The following EYS variants were observed in gnomAD, a reference collection of about 807,000 sequenced individuals.
The protein encoded by EYS is protein eyes shut homolog.
A neutral mutation model predicts 282.1 loss-of-function variants in EYS; 250 were observed. The ratio of observed to expected loss-of-function variants is 0.89; its 90% CI spans 0.80 to 0.98. The LOEUF (loss-of-function observed/expected upper bound fraction) is 0.98. Ranked by LOEUF, EYS falls within the 50% of genes least tolerant of loss-of-function variation. EYS has a pLI of 0.00. For missense variants in EYS, 4,016 were observed against 3,709.0 expected, an observed-to-expected ratio of 1.08 and a Z score of -2.15; for synonymous variants, 1,355 against 1,282.9, an observed-to-expected ratio of 1.06 and a Z score of -1.20.
chr6:63,878,425 G>C (rs148839978), intron 35 of EYS, among the ~76,000 whole-genome samples: 8 of 152,176 alleles, frequency 5.3e-5, no homozygotes, highest in African/African-American at 1.7e-4. Context: ...TCGGGGGTCC[G>C]GGACCCACTT....
intron 31 of EYS, among the ~76,000 whole-genome samples, chr6:64,174,741 A>G (rs1764578008): frequency 6.6e-6 from 1 of 152,002 alleles, no homozygotes; most frequent in Non-Finnish European, 1.5e-5. Context: ...TTCATCCTAA[A>G]TTAAAATGAA....
intron 41 of EYS, among the ~76,000 whole-genome samples, chr6:63,752,308 A>T (rs1166770173): frequency 1.3e-5 from 2 of 152,052 alleles, no homozygotes; most frequent in Non-Finnish European, 2.9e-5. Context: ...TTCTAGTAAC[A>T]TGCCAGATCA....
intron 31 of EYS, among the ~76,000 whole-genome samples, chr6:64,106,228 A>T (rs1773005107): frequency 6.6e-6 from 1 of 151,884 alleles, no homozygotes; most frequent in Non-Finnish European, 1.5e-5. Flanking sequence ...AACTTTTTTT[A>T]AAAAAACTTT....
At chr6:64,252,069 G>A (rs1562273022) in intron 30 of EYS, among the ~76,000 whole-genome samples, 1 of 152,012 alleles carries the variant, frequency 6.6e-6, no homozygotes, top group Non-Finnish European at 1.5e-5. Flanking sequence ...AAATTATGAT[G>A]GAATTGTCAT....
chr6:64,703,427 A>AT (rs1488123469), intron 22 of EYS, among the ~76,000 whole-genome samples: 50 of 28,408 alleles, frequency 1.8e-3, no homozygotes, highest in Middle Eastern at 0.031. Context: ...ATATATATAT[A>AT]TATTTTTTTT....
intron 19 of EYS, among the ~76,000 whole-genome samples, chr6:64,866,945 C>T (rs1288593752): frequency 6.6e-6 from 1 of 151,662 alleles, no homozygotes; most frequent in African/African-American, 2.4e-5. Context: ...TGATCTATCA[C>T]CTTCATATTC....
At chr6:64,528,606 T>C (rs947633407) in intron 26 of EYS, among the ~76,000 whole-genome samples, 3 of 152,052 alleles carry the variant, frequency 2.0e-5, no homozygotes, top group Non-Finnish European at 2.9e-5. Flanking sequence ...CTTATTTTTC[T>C]ATTCCCATTA....
chr6:64,468,837 A>G (rs1776011587), intron 26 of EYS, among the ~76,000 whole-genome samples: 1 of 152,000 alleles, frequency 6.6e-6, no homozygotes, highest in African/African-American at 2.4e-5. Flanking sequence ...ACATTACCTC[A>G]TTTTTTCATG....
intron 19 of EYS, among the ~76,000 whole-genome samples, chr6:64,841,406 C>A (rs908117509): frequency 4.6e-5 from 7 of 151,952 alleles, no homozygotes; most frequent in Admixed American, 2.0e-4. Context: ...ATTTTTCATG[C>A]CAAATATAAA....
At chr6:65,560,239 AATTATATACAATT>A (rs1480485322) in intron 2 of EYS, among the ~76,000 whole-genome samples, 2 of 145,198 alleles carry the variant, frequency 1.4e-5, no homozygotes, top group East Asian at 4.0e-4. Flanking sequence ...AATATATTAT[AATTATATACAATT>A]ATTATATATA....
At chr6:64,323,197 G>C (rs1459496490) in intron 29 of EYS, among the ~76,000 whole-genome samples, 1 of 151,398 alleles carries the variant, frequency 6.6e-6, no homozygotes, top group Non-Finnish European at 1.5e-5. Context: ...TTAGTAGTTT[G>C]TCTCTATTAT....
chr6:64,356,204 A>T (rs563965572), intron 29 of EYS, among the ~76,000 whole-genome samples: 61 of 151,488 alleles, frequency 4.0e-4, no homozygotes, highest in African/African-American at 1.2e-3. Context: ...ATATTTTTTT[A>T]AAATTTTTTA....
At chr6:64,385,588 C>T (rs1772880556) in intron 29 of EYS, among the ~76,000 whole-genome samples, 1 of 152,084 alleles carries the variant, frequency 6.6e-6, no homozygotes, top group East Asian at 1.9e-4. Flanking sequence ...TAGTAAAGGC[C>T]AATGTTTCAG....
intron 29 of EYS, among the ~76,000 whole-genome samples, chr6:64,340,283 A>G (rs1265814905): frequency 1.3e-5 from 2 of 151,878 alleles, no homozygotes; most frequent in Admixed American, 1.3e-4. Flanking sequence ...AAGCAAAAAA[A>G]TGAAGCCAGA....
At chr6:63,787,312 T>C (rs1466028466) in intron 39 of EYS, 1 of 152,260 alleles carries the variant, frequency 6.6e-6, no homozygotes, top group East Asian at 1.9e-4. Flanking sequence ...CTCTGGCCTC[T>C]GTGGGCTACC....
rs376755758 is a variant in EYS at position 64,536,433 on chromosome 6, A to C, written c.5644+53790T>G. ...TTCACAACATTATGACGACAATTAC[A>C]GGTACTCTCTATTACATGGTTTAAC... On this transcript the variant is annotated intron_variant, in intron 26 of 42. Coordinates refer to ENST00000503581, the MANE Select transcript of EYS (RefSeq NM_001142800.2). 4.6e-4 allele frequency among the ~76,000 whole-genome samples: 70 copies of C among 152,314 alleles called. No homozygotes were observed. The East Asian group carries it at 8.5e-3, about 18-fold the overall frequency.
Position 64,886,859 on chromosome 6 carries a change from A to G in EYS, c.2847-17T>C. ...CAAAAAAATCTGGAGAAAAGTGGAG[A>G]AATGAGGAATAGCCATGTAACAATG... is the stretch of plus-strand genomic sequence containing the variant. On this transcript the variant is annotated splice_polypyrimidine_tract_variant and intron_variant, in intron 18 of 42. Transcript: ENST00000503581. 1.4e-6 allele frequency: 2 copies of G among 1,461,162 alleles called. No homozygotes were observed. Among genetic ancestry groups the G allele is most frequent in the Non-Finnish European group, 1.8e-6 (2 of 1,084,820 alleles). The allele number at this position is 1,461,162 out of a possible 1,614,324, so 90.5% of individuals were successfully genotyped here. A position where few individuals can be genotyped will look rare whatever the true frequency, so the allele number is the denominator to read the frequency against.
At chr6:64,941,784 A>T (rs1562268307) in intron 15 of EYS, among the ~76,000 whole-genome samples, 2 of 152,274 alleles carry the variant, frequency 1.3e-5, no homozygotes, top group South Asian at 4.1e-4. Context: ...TGCAAAGAAC[A>T]TGACTTTGTT....
chr6:65,441,510 C>G (rs1768326905), intron 5 of EYS, among the ~76,000 whole-genome samples: 1 of 151,940 alleles, frequency 6.6e-6, no homozygotes, highest in African/African-American at 2.4e-5. Flanking sequence ...AAAAAATTCA[C>G]TAAACAGTTA....
Sources: allele counts gnomAD v4.1 joint callset (sites outside exome capture counted in the v4.1 genomes callset), GRCh38; gene constraint gnomAD v4.1.1; transcripts MANE v1.5; gene names NCBI Gene and HGNC (gene_info 2026-07-23, HGNC 2026-07-21).